FAM135A: variants seen among roughly 807,000 people sequenced by gnomAD.
FAM135A encodes family with sequence similarity 135 member A.
FAM135A carries 79 observed loss-of-function variants against 146.8 expected under a neutral mutation model. That is an observed-to-expected ratio of 0.54 (90% CI 0.45 to 0.65). FAM135A has a LOEUF of 0.65. Among genes scored for constraint, FAM135A ranks in the 30% least tolerant of loss-of-function variants. FAM135A has a pLI of 0.00. For synonymous variants in FAM135A, 562 were observed against 603.6 expected, an observed-to-expected ratio of 0.93 and a Z score of 1.01; for missense variants, 1,623 against 1,758.2, an observed-to-expected ratio of 0.92 and a Z score of 1.38.
intron 7 of FAM135A, 114 bp downstream of exon 7, chr6:70,475,847 C>G: frequency 1.3e-6 from 1 of 796,894 alleles, no homozygotes; most frequent in Non-Finnish European, 1.9e-6. Context: ...TCTTGAACTA[C>G]TTGTGTTTTC....
At chr6:70,529,270 GT>G (rs923370305) in intron 16 of FAM135A, among the ~76,000 whole-genome samples, 15 of 150,664 alleles carry the variant, frequency 1.0e-4, no homozygotes, top group African/African-American at 3.4e-4. Flanking sequence ...TTACTCAACA[GT>G]TTTTTTTTAG....
chr6:70,486,293 A>G, intron 10 of FAM135A: 1 of 1,559,706 alleles, frequency 6.4e-7, no homozygotes, highest in Non-Finnish European at 8.8e-7. Flanking sequence ...ATTAAAAAGT[A>G]TGAAATTTTG....
At chr6:70,559,211 C>T (rs899487730) in intron 21 of FAM135A, among the ~76,000 whole-genome samples, 4 of 152,102 alleles carry the variant, frequency 2.6e-5, no homozygotes, top group South Asian at 2.1e-4. Flanking sequence ...GAGGCTGAGG[C>T]GGGAGGATCG....
intron 10 of FAM135A, among the ~76,000 whole-genome samples, chr6:70,489,974 G>A (rs1378049084): frequency 2.0e-5 from 3 of 152,110 alleles, no homozygotes; most frequent in Non-Finnish European, 4.4e-5. Context: ...TCTTTGCCCA[G>A]AGGCTCCCTT....
At position 70,559,341 on chromosome 6, in the gene FAM135A, G is replaced by A. The variant is rs773895329; in HGVS notation, c.4343-375G>A. ...CTGTAATCCCAGCTACTCAGGAGGC[G>A]GAGACAGGAGAATGGCTTGAACCCG... On this transcript the variant is annotated intron_variant, in intron 21 of 21. Coordinates refer to ENST00000418814, the MANE Select transcript of FAM135A (RefSeq NM_001162529.3). Among the ~76,000 whole-genome samples, 30 of 151,778 alleles carry A rather than the reference G, an allele frequency of 2.0e-4. 1 individual carries two copies. Among genetic ancestry groups the A allele is most frequent in the South Asian group, 1.3e-3 (6 of 4,788 alleles).
chr6:70,441,777 T>G (rs545823961), intron 4 of FAM135A, among the ~76,000 whole-genome samples: 1 of 151,342 alleles, frequency 6.6e-6, no homozygotes, highest in East Asian at 2.0e-4. Context: ...CTCTGCCTCC[T>G]GGGTTCAAGC....
intron 20 of FAM135A, among the ~76,000 whole-genome samples, chr6:70,545,277 C>T (rs910945726): frequency 6.6e-6 from 1 of 151,848 alleles, no homozygotes; most frequent in African/African-American, 2.4e-5. Context: ...TAGTATATAC[C>T]TGAATTGAAT....
intron 4 of FAM135A, among the ~76,000 whole-genome samples, chr6:70,445,653 T>G (rs976434245): frequency 1.3e-5 from 2 of 152,238 alleles, no homozygotes; most frequent in African/African-American, 4.8e-5. Flanking sequence ...GCACAGATTG[T>G]TCATGCTATT....
intron 11 of FAM135A, among the ~76,000 whole-genome samples, chr6:70,498,297 A>G (rs911069700): frequency 1.3e-5 from 2 of 152,008 alleles, no homozygotes; most frequent in Non-Finnish European, 2.9e-5. Flanking sequence ...GGTAGTTTGT[A>G]TTTCTGTAGG....
intron 5 of FAM135A, 48 bp downstream of exon 5, chr6:70,452,619 A>C (rs573153338): frequency 7.3e-7 from 1 of 1,378,800 alleles, no homozygotes; most frequent in African/African-American, 1.5e-5. Flanking sequence ...TGAATGGTCA[A>C]TAACTTTTAA....
At chr6:70,530,018 C>A (rs549783752) in intron 16 of FAM135A, among the ~76,000 whole-genome samples, 26 of 152,098 alleles carry the variant, frequency 1.7e-4, no homozygotes, top group African/African-American at 5.5e-4. Flanking sequence ...GAGCTGAGAT[C>A]GCGCCACTGC....
chr6:70,488,043 A>G (rs1471205090), intron 10 of FAM135A, among the ~76,000 whole-genome samples: 1 of 152,180 alleles, frequency 6.6e-6, no homozygotes, highest in Non-Finnish European at 1.5e-5. Flanking sequence ...TAAATGTTAG[A>G]TACATGTACC....
chr6:70,541,321 C>CT, intron 20 of FAM135A, among the ~76,000 whole-genome samples: 1 of 152,208 alleles, frequency 6.6e-6, no homozygotes, highest in Non-Finnish European at 1.5e-5. Flanking sequence ...TTACTCCCCC[C>CT]TTTTTTTCAC....
intron 4 of FAM135A, among the ~76,000 whole-genome samples, chr6:70,451,719 G>C (rs6917368): frequency 0.046 from 7,024 of 151,894 alleles, 358 homozygotes; most frequent in African/African-American, 0.11. Flanking sequence ...CCGCTCTCTA[G>C]GATATTATTG....
intron 11 of FAM135A, among the ~76,000 whole-genome samples, chr6:70,494,076 A>T (rs919154704): frequency 3.5e-4 from 51 of 144,456 alleles, no homozygotes; most frequent in Non-Finnish European, 1.4e-4. Context: ...AAAAAAAAAG[A>T]TGTTTTAAAC....
rs16869286 is a variant in FAM135A, at chr6:70,508,996, G to A, written c.1029+6205G>A. 4.2e-3 allele frequency among the ~76,000 whole-genome samples: 639 copies of A among 152,218 alleles called. 3 individuals are homozygous for A. The highest frequency in any genetic ancestry group is 0.015 in the African/African-American group (603 of 41,518). ...TTCTTGTGTGGAAGCAGGGCCTTTT[G>A]GAAACATATGGCTTTACTTAAAATG... On this transcript the variant is annotated intron_variant, in intron 12 of 21. Transcript: ENST00000418814.
intron 11 of FAM135A, among the ~76,000 whole-genome samples, chr6:70,499,667 C>A (rs1170132883): frequency 6.6e-6 from 1 of 152,100 alleles, no homozygotes. Flanking sequence ...TCTTGTGAGG[C>A]AGTCCTGGTG....
At chr6:70,472,455 G>A (rs1473558144) in intron 5 of FAM135A, among the ~76,000 whole-genome samples, 1 of 152,078 alleles carries the variant, frequency 6.6e-6, no homozygotes, top group Non-Finnish European at 1.5e-5. Context: ...TTGCCAATAT[G>A]ATTGCTCCAT....
chr6:70,553,682 G>C (rs1800279105), intron 20 of FAM135A, among the ~76,000 whole-genome samples: 1 of 148,488 alleles, frequency 6.7e-6, no homozygotes, highest in African/African-American at 2.5e-5. Context: ...ACGTTACAAT[G>C]AAATCTTTTT....
Sources: gnomAD v4.1 joint callset for allele counts (sites outside exome capture counted in the v4.1 genomes callset) on GRCh38, gnomAD v4.1.1 for gene constraint, MANE v1.5 for transcripts, NCBI Gene and HGNC (gene_info 2026-07-23, HGNC 2026-07-21) for gene names.